ZBTB47: variants seen among roughly 807,000 people sequenced by gnomAD.
ZBTB47 encodes the protein zinc finger and BTB domain-containing protein 47.
Under a neutral mutation model 56.6 loss-of-function variants are expected in ZBTB47, and 24 were observed. The observed-to-expected ratio is 0.42, with a 90% CI of 0.31 to 0.60. The LOEUF is 0.60. Ranked by LOEUF, ZBTB47 falls within the 20% of genes least tolerant of loss-of-function variation. ZBTB47 has a pLI of 0.14. For synonymous variants in ZBTB47, 414 were observed against 418.9 expected (o/e 0.99, Z 0.14); for missense variants, 829 against 1,032.6 (o/e 0.80, Z 2.70).
chr3:42,664,163 G>A, intron 5 of ZBTB47, 74 bp from the exon 6 acceptor site: 3 of 1,575,890 alleles, frequency 1.9e-6, no homozygotes, highest in Non-Finnish European at 2.6e-6. Flanking sequence ...GGCTCCATGG[G>A]AGACGGAGGC....
At position 42,654,392 on chromosome 3, in the gene ZBTB47, G is replaced by A. The variant is rs1710610129; in HGVS notation, c.-82+509G>A. The A allele has an allele frequency of 6.6e-6, 1 of 151,438 alleles. No homozygotes were observed. The highest frequency in any genetic ancestry group is 2.4e-5 in the African/African-American group (1 of 41,368). The allele number at this position is 151,438 out of a possible 1,614,324, so 9.4% of individuals were successfully genotyped here. Reference sequence around the variant, plus strand: ...ACCACGCGTGTCCGCGCCCCCCGCCGGCACGCAGGCGGCCTGGCCCTTTAA... The same window carrying A: ...ACCACGCGTGTCCGCGCCCCCCGCCAGCACGCAGGCGGCCTGGCCCTTTAA... On this transcript the variant is annotated intron_variant, in intron 1 of 5. Coordinates refer to ENST00000232974, the MANE Select transcript of ZBTB47 (RefSeq NM_145166.4). This position sits in a 1 kb window ranked among gnomAD's most constrained non-coding sequence, Gnocchi z 5.0.
intron 3 of ZBTB47, among the ~76,000 whole-genome samples, chr3:42,661,968 A>G (rs1209883641): frequency 2.6e-5 from 4 of 152,258 alleles, no homozygotes; most frequent in African/African-American, 7.2e-5. Flanking sequence ...CCTTTTCCTA[A>G]TTATACAAAG....
rs749868194 is a variant in ZBTB47, at chr3:42,661,580, G to C, written c.1569G>C (p.Glu523Asp). 1 of 1,614,054 alleles carries C rather than the reference G, an allele frequency of 6.2e-7. No individual in the cohort carries two copies. The highest frequency in any genetic ancestry group is 8.5e-7 in the Non-Finnish European group (1 of 1,179,890). ...ACGCAGAGAAGAAGTTCTCATGCGA[G>C]ATCTGTGAGAAGAAGTTCTACACCA... Reference protein sequence around the residue: ...HGYAEKKFSCEICEKKFYTMA... With the variant: ...HGYAEKKFSCDICEKKFYTMA... The change falls in exon 3 of 6, where the codon GAG (glutamate) becomes GAC (aspartate). Residue 523 changes from glutamate (E) to aspartate (D), a missense_variant. Around this residue, in one of 6 missense-constraint regions of ZBTB47, gnomAD observed 187 missense variants for 253.1 expected, o/e 0.74. Coordinates refer to ENST00000232974, the MANE Select transcript of ZBTB47 (RefSeq NM_145166.4).
upstream of ZBTB47, among the ~76,000 whole-genome samples, chr3:42,653,094 CCT>C (rs2125834683): frequency 6.6e-6 from 1 of 152,274 alleles, no homozygotes; most frequent in African/African-American, 2.4e-5. Context: ...AGGTTTGGCC[CCT>C]GAGACATTTT....
In ZBTB47 at chr3:42,654,792, G is replaced by T; in HGVS notation, c.-82+909G>T. ...CGCGGGCCCGGGTGGAGGGGCTGGA[G>T]GGATCTTCCCCCCTCCCCCGGTCTC... On this transcript the variant is annotated intron_variant, in intron 1 of 5. Transcript: ENST00000232974. This position sits in a 1 kb window ranked among gnomAD's most constrained non-coding sequence, Gnocchi z 5.0. The T allele has an allele frequency of 1.3e-6, 1 of 788,012 alleles. No homozygotes were observed. Among genetic ancestry groups the T allele is most frequent in the Non-Finnish European group, 1.5e-6 (1 of 649,304 alleles). The allele number at this position is 788,012 out of a possible 1,614,324, so 48.8% of individuals were successfully genotyped here.
intron 2 of ZBTB47, among the ~76,000 whole-genome samples, chr3:42,661,064 A>G (rs1710710934): frequency 6.6e-6 from 1 of 152,182 alleles, no homozygotes; most frequent in Non-Finnish European, 1.5e-5. Flanking sequence ...CACAGGTCCC[A>G]GCAGGAGGAG....
Position 42,658,862 on chromosome 3 carries a change from C to T in ZBTB47, c.507C>T (p.Asp169=), listed in dbSNP as rs747945628. ...ACCCTTACTCGGTGCGTGTTGAGGA[C>T]GGGGCAGGGACTGCTGGTGGCACAG... ...GPDPYSVRVE[D]GAGTAGGTVP... Residue 169 remains aspartate, a synonymous_variant, in exon 2 of 6, where the codon GAC becomes GAT. Coordinates refer to ENST00000232974, the MANE Select transcript of ZBTB47 (RefSeq NM_145166.4). The T allele has an allele frequency of 9.8e-6, 15 of 1,527,568 alleles. No homozygotes were observed. Among genetic ancestry groups the T allele is most frequent in the East Asian group, 2.5e-5 (1 of 40,806 alleles). 94.6% of individuals were successfully genotyped at this position (1,527,568 alleles called of 1,614,324 possible).
chr3:42,661,410 CG>C (rs1710715324), intron 2 of ZBTB47, 74 bp from the exon 3 acceptor site: 6 of 1,527,638 alleles, frequency 3.9e-6, no homozygotes, highest in Non-Finnish European at 3.5e-6. Context: ...TGAGGCCAGA[CG>C]GGGGCAGTAG....
chr3:42,659,577 C>T lies in ZBTB47; in HGVS notation c.1222C>T (p.Pro408Ser). ...RRGGKRPKPP[P>S]GVASASARGP... Reference sequence around the variant, plus strand: ...GGGTGGGAAGAGGCCAAAGCCACCCCCTGGAGTGGCCTCTGCATCGGCCCG... The same window carrying T: ...GGGTGGGAAGAGGCCAAAGCCACCCTCTGGAGTGGCCTCTGCATCGGCCCG... The change falls in exon 2 of 6, where the codon CCT becomes TCT. Residue 408 changes from proline to serine, a missense_variant. Around this residue, in one of 6 missense-constraint regions of ZBTB47, gnomAD observed 359 missense variants for 359.8 expected, o/e 1.00. Transcript: ENST00000232974. The T allele has an allele frequency of 6.2e-7, 1 of 1,601,172 alleles. No homozygotes were observed. Among genetic ancestry groups the T allele is most frequent in the African/African-American group, 1.3e-5 (1 of 74,632 alleles).
At position 42,664,833 on chromosome 3, in the gene ZBTB47, G is replaced by T; in HGVS notation, c.*235G>T. The T allele has an allele frequency of 2.7e-6, 1 of 376,272 alleles. No homozygotes were observed. Among genetic ancestry groups the T allele is most frequent in the Non-Finnish European group, 4.5e-6 (1 of 223,102 alleles). The allele number at this position is 376,272 out of a possible 1,614,324, so 23.3% of individuals were successfully genotyped here. On this transcript the variant is annotated 3_prime_UTR_variant, in exon 6 of 6. Transcript: ENST00000232974. ...GTGCCCCCCCTTTCTGTGACTCCTT[G>T]AAGCCTTTACTTTTTTTTTTTTTTG...
chr3:42,654,273 C>A lies in ZBTB47; in HGVS notation c.-82+390C>A, dbSNP rs1710607815. The A allele has an allele frequency of 2.4e-5, 3 of 125,022 alleles. No homozygotes were observed. The highest frequency in any genetic ancestry group is 9.0e-5 in the African/African-American group (3 of 33,420). The allele number at this position is 125,022 out of a possible 1,614,324, so 7.7% of individuals were successfully genotyped here. On this transcript the variant is annotated intron_variant, in intron 1 of 5. Coordinates refer to ENST00000232974, the MANE Select transcript of ZBTB47 (RefSeq NM_145166.4). The surrounding 1 kb of genome is among the most constrained non-coding windows in gnomAD (Gnocchi z 5.0). The stretch of plus-strand genomic sequence containing the variant: ...AGGGTGGGGCCGGGGTCTATCTGCT[C>A]GGATATGAGCAGTGGGGACGGGCTG...
At position 42,666,433 on chromosome 3, in the gene ZBTB47, G is replaced by A. The variant is rs930493399; in HGVS notation, c.*1835G>A. Among the ~76,000 whole-genome samples the A allele has an allele frequency of 4.6e-5, 7 of 152,176 alleles. No homozygotes were observed. Among genetic ancestry groups the A allele is most frequent in the African/African-American group, 1.7e-4 (7 of 41,444 alleles). On this transcript the variant is annotated 3_prime_UTR_variant, in exon 6 of 6. Coordinates refer to ENST00000232974, the MANE Select transcript of ZBTB47 (RefSeq NM_145166.4). ...GCTCTTTTTCTTCCTTGCACTCCTT[G>A]ATCTTTGGGCTTCCGTGATGTCCTC...
At position 42,659,460 on chromosome 3, in the gene ZBTB47, G is replaced by A. The variant is rs1710684756; in HGVS notation, c.1105G>A (p.Ala369Thr). 1 of 1,509,298 alleles carries A rather than the reference G, an allele frequency of 6.6e-7. No homozygotes were observed. The highest frequency in any genetic ancestry group is 8.8e-7 in the Non-Finnish European group (1 of 1,135,204). 93.5% of individuals were successfully genotyped at this position (1,509,298 alleles called of 1,614,324 possible). ...QGPRGSRSSR[A>T]DPPPHSHMAT... is the part of the protein sequence containing the mutation. ...GCCACGGGGAAGCCGAAGCAGCCGGGCAGACCCCCCTCCCCACAGTCACAT... is the reference window on the plus strand; with the variant it reads ...GCCACGGGGAAGCCGAAGCAGCCGGACAGACCCCCCTCCCCACAGTCACAT... The change falls in exon 2 of 6, where the codon GCA (alanine) becomes ACA (threonine). Residue 369 changes from alanine (A) to threonine (T), a missense_variant. By Grantham distance (58) the Ala-to-Thr change is moderately conservative (BLOSUM62 0). Coordinates refer to ENST00000232974, the MANE Select transcript of ZBTB47 (RefSeq NM_145166.4).
intron 5 of ZBTB47, 77 bp from the exon 6 acceptor site, chr3:42,664,160 T>A: frequency 6.4e-7 from 1 of 1,573,042 alleles, no homozygotes; most frequent in Non-Finnish European, 8.6e-7. Flanking sequence ...TATGGCTCCA[T>A]GGGAGACGGA....
chr3:42,663,666 TC>T lies in ZBTB47; in HGVS notation c.1738-127del. The T allele has an allele frequency of 8.3e-7, 1 of 1,203,098 alleles. No homozygotes were observed. The highest frequency in any genetic ancestry group is 1.2e-6 in the Non-Finnish European group (1 of 865,852). The allele number at this position is 1,203,098 out of a possible 1,614,324, so 74.5% of individuals were successfully genotyped here. On this transcript the variant is annotated intron_variant, in intron 4 of 5. Coordinates refer to ENST00000232974, the MANE Select transcript of ZBTB47 (RefSeq NM_145166.4). The surrounding 1 kb of genome is among the most constrained non-coding windows in gnomAD (Gnocchi z 5.1). ...AGATGCACCTCGGCTTGCCCTCATG[TC>T]CCCATCTCCTTGCCCAGGAGCCCCT...
intron 1 of ZBTB47, among the ~76,000 whole-genome samples, chr3:42,655,854 T>C (rs998917999): frequency 7.9e-5 from 12 of 152,214 alleles, no homozygotes; most frequent in African/African-American, 2.9e-4. Flanking sequence ...AGTACTACCT[T>C]AGCAATGGAG....
chr3:42,664,388 C>T lies in ZBTB47; in HGVS notation c.2034C>T (p.His678=). 1 of 1,603,256 alleles carries T rather than the reference C, an allele frequency of 6.2e-7. No homozygotes were observed. The highest frequency in any genetic ancestry group is 8.5e-7 in the Non-Finnish European group (1 of 1,175,514). The change falls in exon 6 of 6, where the codon CAC becomes CAT. Residue 678 remains histidine (H), a synonymous_variant. Transcript: ENST00000232974. ...RFRFSNMLKA[H]KEKCFRVSHT... ...GCTTCTCCAACATGCTCAAGGCCCA[C>T]AAGGAGAAGTGCTTCCGCGTCAGCC...
chr3:42,659,558 G>A lies in ZBTB47; in HGVS notation c.1203G>A (p.Gly401=), dbSNP rs1426898962. The change falls in exon 2 of 6, where the codon GGG becomes GGA. Residue 401 remains glycine (G), a synonymous_variant. Coordinates refer to ENST00000232974, the MANE Select transcript of ZBTB47 (RefSeq NM_145166.4). Reference sequence around the variant, plus strand: ...CTGAAGAAGCTGGGCGGCGGGGTGGGAAGAGGCCAAAGCCACCCCCTGGAG... The same window carrying A: ...CTGAAGAAGCTGGGCGGCGGGGTGGAAAGAGGCCAAAGCCACCCCCTGGAG... ...PEPEEAGRRG[G]KRPKPPPGVA... The A allele has an allele frequency of 2.5e-6, 4 of 1,585,726 alleles. No homozygotes were observed. The highest frequency in any genetic ancestry group is 1.8e-5 in the Admixed American group (1 of 56,032).
Position 42,658,575 on chromosome 3 carries a change from A to G in ZBTB47, c.220A>G (p.Ile74Val), listed in dbSNP as rs1275714783. Residue 74 changes from isoleucine to valine, a missense_variant, in exon 2 of 6, where the codon ATC becomes GTC. Transcript: ENST00000232974. ...PGGLQQILNF[I>V]YTSKLLVNAA... ...TGGCCTGCAGCAGATCCTCAACTTC[A>G]TCTATACGTCCAAGCTGCTGGTCAA... 6.5e-7 allele frequency: 1 copy of G among 1,536,980 alleles called. No homozygotes were observed. Among genetic ancestry groups the G allele is most frequent in the Non-Finnish European group, 8.7e-7 (1 of 1,146,928 alleles).
Sources: gnomAD v4.1 joint callset for allele counts (sites outside exome capture counted in the v4.1 genomes callset) on GRCh38, gnomAD v4.1.1 for gene constraint, gnomAD v4.1.1 regional missense constraint, Gnocchi (gnomAD v3.1) non-coding constraint, MANE v1.5 for transcripts, NCBI Gene and HGNC (gene_info 2026-07-23, HGNC 2026-07-21) for gene names.